Variants in GADL1 observed in about 807,000 individuals in gnomAD.
GADL1 encodes GAD like acidic amino acid decarboxylase 1, also known as acidic amino acid decarboxylase GADL1.
GADL1 carries 71 observed loss-of-function variants against 69.5 expected under a neutral mutation model. The ratio of observed to expected loss-of-function variants is 1.02; its 90% CI spans 0.84 to 1.25. The LOEUF is 1.25. Among genes scored for constraint, GADL1 ranks in the 50% most tolerant of loss-of-function variants. The probability of loss-of-function intolerance (pLI) is 0.00; values close to 1 mark genes in which losing one functional copy is unlikely to be tolerated. For missense variants in GADL1, 737 were observed against 631.8 expected (o/e 1.17, Z -1.79); for synonymous variants, 254 against 214.4 (o/e 1.18, Z -1.62).
At chr3:30,750,088 C>A (rs952111249) in intron 14 of GADL1, among the ~76,000 whole-genome samples, 1 of 152,162 alleles carries the variant, frequency 6.6e-6, no homozygotes, top group Non-Finnish European at 1.5e-5. Context: ...GACTCCTCCT[C>A]CTCTTTCTCC....
chr3:30,766,830 A>C (rs1260914650), intron 14 of GADL1, among the ~76,000 whole-genome samples: 1 of 136,772 alleles, frequency 7.3e-6, no homozygotes, highest in Non-Finnish European at 1.6e-5. Flanking sequence ...ATGATCATAG[A>C]CTTTCCTATG....
chr3:30,839,676 A>G (rs1487102611), intron 8 of GADL1, among the ~76,000 whole-genome samples: 4 of 152,136 alleles, frequency 2.6e-5, no homozygotes, highest in African/African-American at 9.7e-5. Context: ...ACTGGGATAC[A>G]TTCTCCAAAA....
intron 10 of GADL1, 61 bp downstream of exon 10, chr3:30,834,156 T>G: frequency 7.9e-7 from 1 of 1,267,708 alleles, no homozygotes; most frequent in South Asian, 1.3e-5. Context: ...AAATATCACT[T>G]AGTCCAAAGA....
At chr3:30,795,826 A>G (rs184055834) in intron 12 of GADL1, among the ~76,000 whole-genome samples, 226 of 152,252 alleles carry the variant, frequency 1.5e-3, no homozygotes, top group African/African-American at 5.3e-3. Context: ...CCAGGAATAG[A>G]CTGTTGGATA....
intron 11 of GADL1, among the ~76,000 whole-genome samples, chr3:30,828,404 A>T (rs1237845812): frequency 6.8e-6 from 1 of 147,332 alleles, no homozygotes; most frequent in Non-Finnish European, 1.5e-5. Context: ...TATGTGGCTC[A>T]GCACATCCTC....
intron 11 of GADL1, among the ~76,000 whole-genome samples, chr3:30,825,996 A>G (rs1411937646): frequency 1.3e-5 from 2 of 152,052 alleles, no homozygotes; most frequent in Non-Finnish European, 2.9e-5. Context: ...AGATACTTGG[A>G]ATCCATTAAA....
intron 14 of GADL1, among the ~76,000 whole-genome samples, chr3:30,740,490 G>A (rs767969618): frequency 2.7e-5 from 4 of 149,396 alleles, no homozygotes; most frequent in Admixed American, 6.6e-5. Flanking sequence ...AGTGATACAC[G>A]TCAAGTTATG....
intron 14 of GADL1, among the ~76,000 whole-genome samples, chr3:30,763,004 G>A (rs1041325964): frequency 6.6e-6 from 1 of 152,134 alleles, no homozygotes; most frequent in Non-Finnish European, 1.5e-5. Flanking sequence ...CCAAATCTTA[G>A]CTATTGTAAA....
intron 8 of GADL1, among the ~76,000 whole-genome samples, chr3:30,840,765 T>C (rs1322366513): frequency 1.3e-5 from 2 of 152,208 alleles, no homozygotes; most frequent in South Asian, 2.1e-4. Flanking sequence ...AATTAAACTT[T>C]TGCGATCTGG....
chr3:30,822,098 G>T (rs1054794266), intron 11 of GADL1, among the ~76,000 whole-genome samples: 3 of 152,028 alleles, frequency 2.0e-5, no homozygotes, highest in Admixed American at 6.6e-5. Flanking sequence ...GGTATCACTT[G>T]GAAACTTTCT....
At chr3:30,876,562 A>G (rs1429234868) in intron 1 of GADL1, among the ~76,000 whole-genome samples, 1 of 151,974 alleles carries the variant, frequency 6.6e-6, no homozygotes, top group Admixed American at 6.6e-5. Context: ...AAGTTCATCA[A>G]TTGAAAAAAT....
Position 30,728,126 on chromosome 3 carries a change from G to T in GADL1, c.*116C>A. ...ATTTTGGTTTTGCTGGGCCTGGACT[G>T]GGAGTATTCCCTATTTCTCATCAGA... On this transcript the variant is annotated 3_prime_UTR_variant, in exon 15 of 15. Transcript: ENST00000282538. 1 of 890,590 alleles carries T rather than the reference G, an allele frequency of 1.1e-6. No homozygotes were observed. Among genetic ancestry groups the T allele is most frequent in the Non-Finnish European group, 1.8e-6 (1 of 567,488 alleles). The allele number at this position is 890,590 out of a possible 1,614,324, so 55.2% of individuals were successfully genotyped here. A position where few individuals can be genotyped will look rare whatever the true frequency, so the allele number is the denominator to read the frequency against.
intron 14 of GADL1, among the ~76,000 whole-genome samples, chr3:30,740,219 G>A (rs528795481): frequency 6.6e-6 from 1 of 152,118 alleles, no homozygotes; most frequent in Non-Finnish European, 1.5e-5. Flanking sequence ...TTGGCAAAAA[G>A]GGCTCTGGTA....
At chr3:30,793,414 C>T (rs934617634) in intron 12 of GADL1, among the ~76,000 whole-genome samples, 15 of 151,692 alleles carry the variant, frequency 9.9e-5, no homozygotes, top group African/African-American at 3.2e-4. Flanking sequence ...TGGTGCAAGC[C>T]GGAAAAAAAG....
intron 13 of GADL1, among the ~76,000 whole-genome samples, chr3:30,784,857 G>GC (rs1696754037): frequency 6.6e-6 from 1 of 152,096 alleles, no homozygotes; most frequent in Non-Finnish European, 1.5e-5. Flanking sequence ...TCTGGTCTCT[G>GC]CCCACCTCTG....
At chr3:30,778,371 T>C (rs964127865) in intron 13 of GADL1, 103 bp from the exon 14 acceptor site, 27 of 713,456 alleles carry the variant, frequency 3.8e-5, no homozygotes, top group Non-Finnish European at 6.0e-5. Context: ...AGTTATCATG[T>C]GTATAAAATT....
At chr3:30,849,901 G>T in intron 6 of GADL1, 95 bp downstream of exon 6, 1 of 730,852 alleles carries the variant, frequency 1.4e-6, no homozygotes, top group Non-Finnish European at 2.4e-6. Flanking sequence ...AGTCACATGG[G>T]TATAGGACAA....
intron 1 of GADL1, among the ~76,000 whole-genome samples, chr3:30,888,099 G>A (rs1254279305): frequency 6.6e-6 from 1 of 152,012 alleles, no homozygotes; most frequent in Non-Finnish European, 1.5e-5. Context: ...ATACTGTATT[G>A]TTTTTGCGTT....
At chr3:30,831,157 T>A (rs942930883) in intron 11 of GADL1, among the ~76,000 whole-genome samples, 2 of 151,986 alleles carry the variant, frequency 1.3e-5, no homozygotes, top group Non-Finnish European at 2.9e-5. Context: ...TTTTAGTTCT[T>A]CTGTTGTTCT....
Sources: gnomAD v4.1 joint callset for allele counts (sites outside exome capture counted in the v4.1 genomes callset) on GRCh38, gnomAD v4.1.1 for gene constraint, MANE v1.5 for transcripts, NCBI Gene and HGNC (gene_info 2026-07-23, HGNC 2026-07-21) for gene names.